Variants in SORCS1 observed in about 807,000 individuals in gnomAD.
SORCS1 encodes VPS10 domain-containing receptor SorCS1.
Under a neutral mutation model 146.1 loss-of-function variants are expected in SORCS1, and 60 were observed. The observed-to-expected ratio is 0.41, with a 90% CI of 0.33 to 0.51. SORCS1 has a LOEUF of 0.51. SORCS1 is among the 20% of genes least tolerant of loss of function. The pLI, the probability that SORCS1 is intolerant of heterozygous loss-of-function variation, is 0.21. For synonymous variants in SORCS1, 637 were observed against 584.0 expected, an observed-to-expected ratio of 1.09 and a Z score of -1.31; for missense variants, 1,352 against 1,487.6, an observed-to-expected ratio of 0.91 and a Z score of 1.50.
chr10:106,796,710 C>T (rs1037324930), intron 3 of SORCS1, among the ~76,000 whole-genome samples: 4 of 152,146 alleles, frequency 2.6e-5, no homozygotes, highest in African/African-American at 9.7e-5. Context: ...GAAACTTTTA[C>T]TAATGGATCT....
At chr10:106,586,295 C>T (rs1173631398) in intron 24 of SORCS1, among the ~76,000 whole-genome samples, 1 of 152,278 alleles carries the variant, frequency 6.6e-6, no homozygotes, top group East Asian at 1.9e-4. Context: ...GCATAGATAA[C>T]CCAGGACAGT....
Position 106,986,056 on chromosome 10 carries a change from T to C in SORCS1, c.559-29476A>G, listed in dbSNP as rs536927774. On this transcript the variant is annotated intron_variant, in intron 1 of 25. Coordinates refer to ENST00000263054, the MANE Select transcript of SORCS1 (RefSeq NM_052918.5). Reference sequence around the variant, plus strand: ...TAAAAGTTAAGAATCAACCTCATATTAGGTGATAGTCATGTCAGAAATGAA... The same window carrying C: ...TAAAAGTTAAGAATCAACCTCATATCAGGTGATAGTCATGTCAGAAATGAA... Among the ~76,000 whole-genome samples, 3 of 152,288 alleles carry C rather than the reference T, an allele frequency of 2.0e-5. No individual in the cohort carries two copies. The East Asian group carries it at 5.8e-4, about 29-fold the overall frequency.
chr10:106,780,785 T>G (rs1172909183), intron 3 of SORCS1, among the ~76,000 whole-genome samples: 1 of 152,170 alleles, frequency 6.6e-6, no homozygotes, highest in Non-Finnish European at 1.5e-5. Context: ...TTGCAGGGTG[T>G]GCCGACTGAC....
intron 3 of SORCS1, among the ~76,000 whole-genome samples, chr10:106,801,655 G>T (rs536982351): frequency 6.0e-4 from 90 of 150,110 alleles, no homozygotes; most frequent in Non-Finnish European, 1.2e-3. Context: ...TCAGCCTCCC[G>T]AGTAGCTGGG....
intron 7 of SORCS1, among the ~76,000 whole-genome samples, chr10:106,707,802 C>CGT (rs972461174): frequency 6.6e-6 from 1 of 152,094 alleles, no homozygotes; most frequent in African/African-American, 2.4e-5. Flanking sequence ...GGCACCACCA[C>CGT]GTCTCTCTCT....
chr10:107,083,938 T>C (rs1314918393), intron 1 of SORCS1, among the ~76,000 whole-genome samples: 10 of 152,120 alleles, frequency 6.6e-5, no homozygotes, highest in African/African-American at 9.7e-5. Context: ...CTGTTGGATA[T>C]TCACTCAGGT....
chr10:106,660,086 C>T (rs552859423), intron 17 of SORCS1, among the ~76,000 whole-genome samples: 2 of 152,206 alleles, frequency 1.3e-5, no homozygotes, highest in East Asian at 3.9e-4. Flanking sequence ...TTGACGCACA[C>T]TGAAAAGTAT....
chr10:106,691,474 CTTA>C (rs1853291431), intron 9 of SORCS1, among the ~76,000 whole-genome samples: 2 of 152,196 alleles, frequency 1.3e-5, no homozygotes, highest in South Asian at 4.1e-4. Flanking sequence ...ATAGTTATTT[CTTA>C]TTATTTAATA....
intron 6 of SORCS1, among the ~76,000 whole-genome samples, chr10:106,709,871 TCTC>T (rs1182850593): frequency 6.6e-6 from 1 of 152,214 alleles, no homozygotes; most frequent in Non-Finnish European, 1.5e-5. Flanking sequence ...ACCTACATCA[TCTC>T]CTGGTGCTTC....
intron 23 of SORCS1, among the ~76,000 whole-genome samples, chr10:106,599,513 CAG>C (rs1306794864): frequency 2.0e-5 from 3 of 152,124 alleles, no homozygotes; most frequent in African/African-American, 7.2e-5. Flanking sequence ...TTATAGGAAT[CAG>C]ACAGTGGAGT....
chr10:106,851,623 G>T (rs902412902), intron 2 of SORCS1, among the ~76,000 whole-genome samples: 14 of 152,156 alleles, frequency 9.2e-5, no homozygotes, highest in African/African-American at 3.4e-4. Flanking sequence ...TGTAAGTCTT[G>T]AAGTCAGGCA....
intron 4 of SORCS1, among the ~76,000 whole-genome samples, chr10:106,771,855 T>C (rs1318505787): frequency 6.6e-6 from 1 of 152,178 alleles, no homozygotes; most frequent in Admixed American, 6.5e-5. Context: ...ACTCGATAAG[T>C]CTCAGGGCAG....
chr10:106,680,814 C>T (rs1233403441), intron 10 of SORCS1, among the ~76,000 whole-genome samples: 3 of 152,054 alleles, frequency 2.0e-5, no homozygotes, highest in Non-Finnish European at 2.9e-5. Context: ...TTTTATTCTG[C>T]TCTGTAAGTT....
At position 106,724,284 on chromosome 10, in the gene SORCS1, G is replaced by A. The variant is rs188246104; in HGVS notation, c.1024+5766C>T. On this transcript the variant is annotated intron_variant, in intron 6 of 25. Coordinates refer to ENST00000263054, the MANE Select transcript of SORCS1 (RefSeq NM_052918.5). The stretch of plus-strand genomic sequence containing the variant: ...AGCACTTTGGGAGGCCGAGGCGGGC[G>A]GATCTCAAGGTCAGGGGTTCAAGAC... Among the ~76,000 whole-genome samples the A allele has an allele frequency of 1.7e-3, 261 of 152,154 alleles. 7 individuals carry two copies. Among genetic ancestry groups the A allele is most frequent in the Admixed American group, 0.016 (239 of 15,290 alleles).
chr10:106,672,718 T>C (rs1383107573), intron 15 of SORCS1, 150 bp downstream of exon 15: 1 of 650,922 alleles, frequency 1.5e-6, no homozygotes, highest in Non-Finnish European at 2.7e-6. Context: ...GGTGAGTTTG[T>C]TCACTGCTGT....
chr10:107,107,947 G>C (rs899298064), intron 1 of SORCS1, among the ~76,000 whole-genome samples: 1 of 152,196 alleles, frequency 6.6e-6, no homozygotes, highest in Non-Finnish European at 1.5e-5. Flanking sequence ...AAACAGCTCT[G>C]AAACCCAGTT....
At chr10:106,776,869 G>GA (rs1326515624) in intron 3 of SORCS1, among the ~76,000 whole-genome samples, 177 bp from the exon 4 acceptor site, 3 of 152,198 alleles carry the variant, frequency 2.0e-5, no homozygotes, top group Non-Finnish European at 2.9e-5. Context: ...CAATGCTACA[G>GA]AAATATTTCT....
intron 1 of SORCS1, among the ~76,000 whole-genome samples, chr10:106,995,829 G>C (rs571192463): frequency 1.3e-5 from 2 of 152,160 alleles, no homozygotes; most frequent in South Asian, 4.2e-4. Context: ...GCATAAAAAG[G>C]ATTTGGGTCA....
chr10:106,980,761 A>G (rs1057092083), intron 1 of SORCS1, among the ~76,000 whole-genome samples: 1 of 152,216 alleles, frequency 6.6e-6, no homozygotes, highest in African/African-American at 2.4e-5. Context: ...TGAAAGCTTT[A>G]TAAGACCAAC....
Sources: gnomAD v4.1 joint callset for allele counts (sites outside exome capture counted in the v4.1 genomes callset) on GRCh38, gnomAD v4.1.1 for gene constraint, MANE v1.5 for transcripts, NCBI Gene and HGNC (gene_info 2026-07-23, HGNC 2026-07-21) for gene names.